The following ADGRF5 variants were observed in gnomAD, a reference collection of about 807,000 sequenced individuals.
ADGRF5 encodes the protein adhesion G protein-coupled receptor F5.
Under a neutral mutation model 132.3 loss-of-function variants are expected in ADGRF5, and 75 were observed. That is an observed-to-expected ratio of 0.57 (90% CI 0.47 to 0.69). The LOEUF (loss-of-function observed/expected upper bound fraction) is 0.69, where lower values mean the gene tolerates loss of function less well. Ranked by LOEUF, ADGRF5 falls within the 30% of genes least tolerant of loss-of-function variation. ADGRF5 has a pLI of 0.00. For synonymous variants in ADGRF5, 629 were observed against 597.6 expected (o/e 1.05, Z -0.77); for missense variants, 1,516 against 1,630.6 (o/e 0.93, Z 1.21).
chr6:46,878,749 A>T (rs1328677949), intron 9 of ADGRF5, among the ~76,000 whole-genome samples: 2 of 152,240 alleles, frequency 1.3e-5, no homozygotes, highest in African/African-American at 4.8e-5. Flanking sequence ...GTATTTAACC[A>T]TGTTGTAAAT....
intron 2 of ADGRF5, among the ~76,000 whole-genome samples, chr6:46,901,142 A>T (rs971857219): frequency 1.1e-4 from 16 of 152,138 alleles, no homozygotes; most frequent in Non-Finnish European, 1.9e-4. Context: ...TGTGAAGTTC[A>T]TCTCCTTCAT....
chr6:46,954,028 CTA>C (rs1778628327), intron 1 of ADGRF5, among the ~76,000 whole-genome samples: 1 of 151,704 alleles, frequency 6.6e-6, no homozygotes, highest in Non-Finnish European at 1.5e-5. Flanking sequence ...TCTCAGTGAC[CTA>C]TCATCTTGAG....
intron 1 of ADGRF5, among the ~76,000 whole-genome samples, chr6:46,918,805 T>A (rs1420993509): frequency 2.0e-5 from 3 of 152,224 alleles, no homozygotes; most frequent in African/African-American, 7.2e-5. Flanking sequence ...TGATCTGCAC[T>A]GCTGCTGACA....
intron 3 of ADGRF5, among the ~76,000 whole-genome samples, chr6:46,896,021 T>C (rs1774145980): frequency 6.6e-6 from 1 of 152,162 alleles, no homozygotes; most frequent in African/African-American, 2.4e-5. Context: ...TGCTGTGTTT[T>C]TCAAAATGTC....
At chr6:46,911,566 G>C (rs1775954006) in intron 1 of ADGRF5, among the ~76,000 whole-genome samples, 1 of 152,078 alleles carries the variant, frequency 6.6e-6, no homozygotes, top group Non-Finnish European at 1.5e-5. Flanking sequence ...CAGGCAAAGG[G>C]CTCCCTCACA....
intron 1 of ADGRF5, among the ~76,000 whole-genome samples, chr6:46,949,713 G>A (rs564954893): frequency 1.3e-5 from 2 of 152,250 alleles, no homozygotes; most frequent in Non-Finnish European, 2.9e-5. Context: ...GAGAAATCAG[G>A]GCCAAAGCTC....
chr6:46,944,171 G>A (rs886505346), intron 1 of ADGRF5, among the ~76,000 whole-genome samples: 6 of 152,232 alleles, frequency 3.9e-5, no homozygotes, highest in African/African-American at 1.4e-4. Context: ...AGCGGGAGAA[G>A]CAGGGGCATG....
chr6:46,853,931 T>A lies in ADGRF5; in HGVS notation c.*61A>T. The stretch of plus-strand genomic sequence containing the variant: ...CACGTTCCCCATTGCTTTGCAAGCA[T>A]CTCTTTTTAAAAGCACAGCCACTGT... On this transcript the variant is annotated 3_prime_UTR_variant, in exon 21 of 21. Transcript: ENST00000283296. 1 of 1,168,068 alleles carries A rather than the reference T, an allele frequency of 8.6e-7. No individual in the cohort carries two copies. The highest frequency in any genetic ancestry group is 2.0e-5 in the Admixed American group (1 of 49,438). The allele number at this position is 1,168,068 out of a possible 1,614,324, so 72.4% of individuals were successfully genotyped here. A position where few individuals can be genotyped will look rare whatever the true frequency, so the allele number is the denominator to read the frequency against.
At chr6:46,882,870 C>A (rs1772631546) in intron 6 of ADGRF5, among the ~76,000 whole-genome samples, 2 of 152,208 alleles carry the variant, frequency 1.3e-5, no homozygotes, top group Admixed American at 6.5e-5. Flanking sequence ...AGGGTGCTGA[C>A]AGCCTAAGGC....
At chr6:46,855,785 G>A (rs1176124564) in intron 20 of ADGRF5, among the ~76,000 whole-genome samples, 189 bp downstream of exon 20, 1 of 152,132 alleles carries the variant, frequency 6.6e-6, no homozygotes, top group Non-Finnish European at 1.5e-5. Flanking sequence ...GCTTAGCAAA[G>A]GCAGCTGCCC....
Position 46,884,189 on chromosome 6 carries a change from G to A in ADGRF5, c.411C>T (p.Leu137=). ...GWPRERCLHN[L]ICQERDVFLP... ...GGAAGACGTCACGCTCTTGACAAAT[G>A]AGATTGTGAAGACACCTTTCCCGAG... Residue 137 remains leucine, a synonymous_variant, in exon 5 of 21, where the codon CTC becomes CTT. Transcript: ENST00000283296. 1.2e-6 allele frequency: 2 copies of A among 1,613,782 alleles called. No individual in the cohort carries two copies. Among genetic ancestry groups the A allele is most frequent in the Non-Finnish European group, 8.5e-7 (1 of 1,179,666 alleles).
Position 46,867,467 on chromosome 6 carries a change from A to G in ADGRF5, c.1622-330T>C, listed in dbSNP as rs151112436. Among the ~76,000 whole-genome samples, 1,196 of 152,326 alleles carry G rather than the reference A, an allele frequency of 7.9e-3. 13 individuals carry two copies. The highest frequency in any genetic ancestry group is 0.027 in the African/African-American group (1,117 of 41,564). ...ACTCTAAGGCTTTTCTACCAACCCAAGGAATAAATGGGAGTTTTGCCGTGC... is the reference window on the plus strand; with the variant it reads ...ACTCTAAGGCTTTTCTACCAACCCAGGGAATAAATGGGAGTTTTGCCGTGC... On this transcript the variant is annotated intron_variant, in intron 12 of 20. Transcript: ENST00000283296.
intron 1 of ADGRF5, among the ~76,000 whole-genome samples, chr6:46,913,314 C>T (rs1776131116): frequency 6.6e-6 from 1 of 152,126 alleles, no homozygotes; most frequent in Non-Finnish European, 1.5e-5. Context: ...CCTTGCCTAA[C>T]ATAGTGAAAC....
chr6:46,928,669 G>C (rs970869647), intron 1 of ADGRF5, among the ~76,000 whole-genome samples: 1 of 152,094 alleles, frequency 6.6e-6, no homozygotes, highest in Non-Finnish European at 1.5e-5. Flanking sequence ...TTAGAGGTCT[G>C]AGTCTCAATT....
intron 19 of ADGRF5, 71 bp from the exon 20 acceptor site, chr6:46,856,129 G>T: frequency 1.1e-6 from 1 of 871,130 alleles, no homozygotes; most frequent in South Asian, 1.4e-5. Flanking sequence ...ATCTCTAGAA[G>T]GATTGATTTT....
upstream of ADGRF5, among the ~76,000 whole-genome samples, chr6:46,924,914 A>C (rs9472911): frequency 8.8e-3 from 1,345 of 152,258 alleles, 22 homozygotes; most frequent in African/African-American, 0.03. Context: ...TGCTGCTATC[A>C]TTCTCATCCA....
chr6:46,931,309 T>C lies in ADGRF5; in HGVS notation c.-25+23425A>G, dbSNP rs567115516. 2.2e-4 allele frequency among the ~76,000 whole-genome samples: 33 copies of C among 152,264 alleles called. No homozygotes were observed. In the Middle Eastern group the frequency reaches 0.01, roughly 47 times the overall value. ...TCTGTTGCCCTTCACAGCTCTTCAC[T>C]AAAAAGCCAAATACCTAGATCTCAT... On this transcript the variant is annotated intron_variant, in intron 1 of 20. Transcript: ENST00000265417.
chr6:46,912,967 G>C (rs1330787061), intron 1 of ADGRF5, among the ~76,000 whole-genome samples: 1 of 152,158 alleles, frequency 6.6e-6, no homozygotes, highest in East Asian at 1.9e-4. Context: ...ACTGTGTCTT[G>C]TTACAGTCAG....
In ADGRF5 at chr6:46,863,013, C is replaced by T. The variant is rs748580042; in HGVS notation, c.2074G>A (p.Val692Ile). ...VIQKLCRFSNVPSSPESPIGG... is the reference protein window; with the variant it reads ...VIQKLCRFSNIPSSPESPIGG... ...ATGGGACTCTCAGGGCTGCTGGGAA[C>T]GTTTGAGAACCGGCATAGCTTCTGG... The change falls in exon 15 of 21, where the codon GTT becomes ATT. Residue 692 changes from valine to isoleucine, a missense_variant. By Grantham distance (29) the Val-to-Ile change is conservative. Around this residue, in one of 2 missense-constraint regions of ADGRF5, gnomAD observed 945 missense variants for 929.4 expected, o/e 1.02. Coordinates refer to ENST00000283296, the MANE Select transcript of ADGRF5 (RefSeq NM_001098518.2). 2.7e-5 allele frequency: 43 copies of T among 1,613,680 alleles called. No individual in the cohort carries two copies. Among genetic ancestry groups the T allele is most frequent in the African/African-American group, 2.7e-5 (2 of 74,890 alleles).
Sources: allele counts gnomAD v4.1 joint callset (sites outside exome capture counted in the v4.1 genomes callset), GRCh38; gene constraint gnomAD v4.1.1; regional missense constraint gnomAD v4.1.1; transcripts MANE v1.5; gene names NCBI Gene and HGNC (gene_info 2026-07-23, HGNC 2026-07-21).